Variants in PDE4B observed in about 807,000 individuals in gnomAD.
The protein encoded by PDE4B is phosphodiesterase 4B.
A neutral mutation model predicts 82.2 loss-of-function variants in PDE4B; 20 were observed. The ratio of observed to expected loss-of-function variants is 0.24; its 90% confidence interval spans 0.17 to 0.35. PDE4B has a LOEUF of 0.35. Ranked by LOEUF, PDE4B falls within the 10% of genes least tolerant of loss-of-function variation. The pLI is 1.00. For synonymous variants in PDE4B, 320 were observed against 318.9 expected (o/e 1.00, Z -0.04); for missense variants, 655 against 907.2 (o/e 0.72, Z 3.57).
At chr1:65,849,923 G>A (rs1646311174) in intron 1 of PDE4B, among the ~76,000 whole-genome samples, 1 of 151,986 alleles carries the variant, frequency 6.6e-6, no homozygotes, top group Admixed American at 6.6e-5. Context: ...TCAATAAATT[G>A]GTAACTGACA....
chr1:65,796,294 C>T (rs1279870145), intron 1 of PDE4B, among the ~76,000 whole-genome samples: 1 of 152,190 alleles, frequency 6.6e-6, no homozygotes, highest in Non-Finnish European at 1.5e-5. Flanking sequence ...ATTATTTCTT[C>T]AAACACAAAA....
chr1:65,895,932 A>AATTAAT (rs1553197188), intron 1 of PDE4B, among the ~76,000 whole-genome samples: 23 of 143,702 alleles, frequency 1.6e-4, no homozygotes, highest in African/African-American at 5.6e-4. Context: ...ATGAAAAAGA[A>AATTAAT]AATAATAATA....
chr1:66,026,354 A>G (rs1243224109), intron 3 of PDE4B, among the ~76,000 whole-genome samples: 1 of 152,196 alleles, frequency 6.6e-6, no homozygotes, highest in East Asian at 1.9e-4. Context: ...TGTCTAGCTA[A>G]CATTGTGCCT....
At chr1:66,179,583 C>T (rs1324387763) in intron 3 of PDE4B, among the ~76,000 whole-genome samples, 4 of 152,192 alleles carry the variant, frequency 2.6e-5, no homozygotes, top group Non-Finnish European at 1.5e-5. Context: ...ACTGAATTTG[C>T]AATGTGTAGG....
chr1:66,285,511 T>C (rs772644931), intron 7 of PDE4B, among the ~76,000 whole-genome samples: 1 of 152,046 alleles, frequency 6.6e-6, no homozygotes, highest in Non-Finnish European at 1.5e-5. Context: ...CTTCCACCTT[T>C]TGTAGTCTCC....
At chr1:65,947,010 A>G (rs1648747037) in intron 3 of PDE4B, among the ~76,000 whole-genome samples, 1 of 152,000 alleles carries the variant, frequency 6.6e-6, no homozygotes, top group African/African-American at 2.4e-5. Context: ...AGCCTCTTGA[A>G]TCTTCCTCTA....
chr1:66,028,488 C>T (rs1446270032), intron 3 of PDE4B, among the ~76,000 whole-genome samples: 9 of 152,182 alleles, frequency 5.9e-5, no homozygotes, highest in Admixed American at 2.6e-4. Context: ...CATTAGACTC[C>T]TTGCTACTTA....
intron 7 of PDE4B, among the ~76,000 whole-genome samples, chr1:66,316,991 C>G (rs1463602098): frequency 6.6e-6 from 1 of 152,198 alleles, no homozygotes; most frequent in African/African-American, 2.4e-5. Context: ...GTGACATACA[C>G]AGTGTTGGCT....
chr1:66,210,595 CAAAAAAAAAAAA>C (rs35825766), intron 3 of PDE4B, among the ~76,000 whole-genome samples: 2 of 45,802 alleles, frequency 4.4e-5, no homozygotes, highest in South Asian at 1.0e-3. Context: ...GACTCCATCT[CAAAAAAAAAAAA>C]AAAAAAAAAA....
intron 1 of PDE4B, among the ~76,000 whole-genome samples, chr1:65,891,252 T>C (rs1393713002): frequency 2.0e-5 from 3 of 152,122 alleles, no homozygotes; most frequent in Non-Finnish European, 4.4e-5. Context: ...ATTTTGAACA[T>C]TCATTTATAA....
intron 1 of PDE4B, among the ~76,000 whole-genome samples, chr1:65,832,192 T>C (rs764724442): frequency 4.6e-5 from 7 of 152,094 alleles, no homozygotes; most frequent in Non-Finnish European, 8.8e-5. Context: ...GATTCTGAGG[T>C]AGGAGGTAAA....
intron 3 of PDE4B, among the ~76,000 whole-genome samples, chr1:66,115,887 G>A (rs1351937182): frequency 6.6e-6 from 1 of 152,128 alleles, no homozygotes; most frequent in Non-Finnish European, 1.5e-5. Flanking sequence ...TAACTTATTT[G>A]ACTCCTGTTT....
intron 3 of PDE4B, among the ~76,000 whole-genome samples, chr1:66,203,054 A>T (rs557337792): frequency 6.6e-6 from 1 of 150,544 alleles, no homozygotes; most frequent in South Asian, 2.1e-4. Flanking sequence ...TGGTGACAAA[A>T]TCTCTCAGCA....
chr1:66,372,733 G>T lies in PDE4B; in HGVS notation c.*55G>T. The T allele has an allele frequency of 6.4e-7, 1 of 1,559,492 alleles. No individual in the cohort carries two copies. Among genetic ancestry groups the T allele is most frequent in the Non-Finnish European group, 8.7e-7 (1 of 1,149,118 alleles). On this transcript the variant is annotated 3_prime_UTR_variant, in exon 17 of 17. Transcript: ENST00000341517. Reference sequence around the variant, plus strand: ...TATCCTTGATGAGCATGCCAGCTATGTGGTAGGGCCAGCCCACCATGGGGG... The same window carrying T: ...TATCCTTGATGAGCATGCCAGCTATTTGGTAGGGCCAGCCCACCATGGGGG...
chr1:66,037,677 G>A lies in PDE4B; in HGVS notation c.281+118842G>A, dbSNP rs115654925. ...TGTTGAAAAGAAGTGATGAGAGTGGGCATCCTTGTCTTTTTCCTGATCTTA... is the reference window on the plus strand; with the variant it reads ...TGTTGAAAAGAAGTGATGAGAGTGGACATCCTTGTCTTTTTCCTGATCTTA... On this transcript the variant is annotated intron_variant, in intron 3 of 16. Coordinates refer to ENST00000341517, the MANE Select transcript of PDE4B (RefSeq NM_002600.4). Among the ~76,000 whole-genome samples the A allele has an allele frequency of 7.0e-3, 1,062 of 152,138 alleles. 17 individuals are homozygous for A. Among genetic ancestry groups the A allele is most frequent in the African/African-American group, 0.024 (985 of 41,504 alleles).
intron 3 of PDE4B, among the ~76,000 whole-genome samples, chr1:66,162,785 T>C (rs1168265946): frequency 5.9e-5 from 9 of 152,210 alleles, no homozygotes; most frequent in Admixed American, 2.6e-4. Context: ...TCATCTGTAC[T>C]TGCTTCTGGT....
chr1:66,078,937 A>G (rs1246706605), intron 3 of PDE4B, among the ~76,000 whole-genome samples: 1 of 152,066 alleles, frequency 6.6e-6, no homozygotes, highest in Non-Finnish European at 1.5e-5. Flanking sequence ...AAGAGACCCA[A>G]TCTAACCCCC....
intron 8 of PDE4B, among the ~76,000 whole-genome samples, chr1:66,347,029 T>G (rs553568078): frequency 6.6e-6 from 1 of 152,314 alleles, no homozygotes; most frequent in South Asian, 2.1e-4. Flanking sequence ...CTATGTCATA[T>G]TTTATTTCCG....
At chr1:65,892,637 G>C (rs1646864796) in intron 1 of PDE4B, among the ~76,000 whole-genome samples, 1 of 151,980 alleles carries the variant, frequency 6.6e-6, no homozygotes, top group Non-Finnish European at 1.5e-5. Context: ...TTGTCTACCT[G>C]TGCTATAGGT....
Sources: gnomAD v4.1 joint callset for allele counts (sites outside exome capture counted in the v4.1 genomes callset) on GRCh38, gnomAD v4.1.1 for gene constraint, MANE v1.5 for transcripts, NCBI Gene and HGNC (gene_info 2026-07-23, HGNC 2026-07-21) for gene names.